Variants in KDM6A observed in about 807,000 individuals in gnomAD.
KDM6A encodes the protein lysine-specific demethylase 6A.
In KDM6A, 11 loss-of-function variants were observed where a neutral mutation model predicts 117.6. The observed-to-expected ratio is 0.09, with a 90% CI of 0.06 to 0.15. The LOEUF (loss-of-function observed/expected upper bound fraction) is 0.15. Among genes scored for constraint, KDM6A ranks in the 10% least tolerant of loss-of-function variants. The pLI is 1.00. For synonymous variants in KDM6A, 384 were observed against 396.1 expected, an observed-to-expected ratio of 0.97 and a Z score of 0.36; for missense variants, 799 against 1,077.3, an observed-to-expected ratio of 0.74 and a Z score of 3.62.
intron 2 of KDM6A, among the ~76,000 whole-genome samples, chrX:44,945,153 C>T (rs1046968774): frequency 9.0e-6 from 1 of 111,292 alleles, no homozygotes. Flanking sequence ...TTGACAGAGT[C>T]GCCTTCCCCT....
intron 15 of KDM6A, 64 bp downstream of exon 15, chrX:45,061,483 ATT>A (rs1161774144): frequency 0.035 from 7,702 of 219,466 alleles, no homozygotes; most frequent in East Asian, 0.048. Context: ...ACAAGTATTA[ATT>A]TTTTTTTTTT....
chrX:44,949,266 G>A (rs923692992), intron 2 of KDM6A, among the ~76,000 whole-genome samples: 51 of 110,743 alleles, frequency 4.6e-4, no homozygotes, highest in African/African-American at 1.6e-3. Flanking sequence ...GTGTTGGTGC[G>A]TTCCTGTAGT....
chrX:45,049,508 T>C (rs913792920), intron 8 of KDM6A, among the ~76,000 whole-genome samples: 1 of 112,471 alleles, frequency 8.9e-6, no homozygotes, highest in Admixed American at 9.4e-5. Context: ...TGGTATGAGG[T>C]AGAAATCTAA....
At chrX:45,087,051 C>G (rs1421666510) in intron 25 of KDM6A, among the ~76,000 whole-genome samples, 1 of 112,914 alleles carries the variant, frequency 8.9e-6, no homozygotes, top group African/African-American at 3.2e-5. Context: ...AGTGCAGTGG[C>G]ACAATCTCAG....
rs1265722191 is a variant in KDM6A at position 45,111,936 on chromosome X, T to C, written c.*525T>C. ...TTTTGAGACCATGATGGTTACACTTTTGGTTCCTAAATAAAATTTAAAAAA... is the reference window on the plus strand; with the variant it reads ...TTTTGAGACCATGATGGTTACACTTCTGGTTCCTAAATAAAATTTAAAAAA... On this transcript the variant is annotated 3_prime_UTR_variant, in exon 30 of 30. Transcript: ENST00000611820. 5.9e-6 allele frequency: 1 copy of C among 170,622 alleles called. No individual in the cohort carries two copies. The highest frequency in any genetic ancestry group is 1.1e-5 in the Non-Finnish European group (1 of 89,368). 14.1% of individuals were successfully genotyped at this position (170,622 alleles called of 1,213,427 possible).
At chrX:45,107,037 G>A (rs767545296) in intron 27 of KDM6A, 4 of 185,491 alleles carry the variant, frequency 2.2e-5, no homozygotes, top group Non-Finnish European at 3.0e-5. Context: ...TTCATATCTG[G>A]AATTCATACC....
At chrX:44,961,513 GAAGAA>G (rs1484951868) in intron 3 of KDM6A, 121 bp downstream of exon 3, 1 of 482,067 alleles carries the variant, frequency 2.1e-6, no homozygotes, top group East Asian at 3.9e-5. Context: ...AAACAATGAG[GAAGAA>G]AAGTAGAGTA....
intron 9 of KDM6A, 23 bp from the exon 10 acceptor site, chrX:45,053,805 AT>A: frequency 4.3e-6 from 5 of 1,149,585 alleles, no homozygotes; most frequent in Non-Finnish European, 6.0e-6. Flanking sequence ...ATTTATGTAA[AT>A]TTTTTTAAAT....
chrX:45,082,646 T>A lies in KDM6A; in HGVS notation c.3365+6T>A, dbSNP rs2148142105. The A allele has an allele frequency of 9.4e-6, 11 of 1,171,110 alleles. No individual in the cohort carries two copies. The highest frequency in any genetic ancestry group is 1.0e-5 in the Non-Finnish European group (9 of 859,080). ...GAATCTACATCGTCAGATAAGTAAGTCATTTTTAATGTCCACTTAGTATTT... is the reference window on the plus strand; with the variant it reads ...GAATCTACATCGTCAGATAAGTAAGACATTTTTAATGTCCACTTAGTATTT... On this transcript the variant is annotated splice_donor_region_variant and intron_variant, in intron 22 of 29. Coordinates refer to ENST00000611820, the MANE Select transcript of KDM6A (RefSeq NM_001291415.2).
At chrX:45,044,145 C>T (rs2043422771) in intron 8 of KDM6A, among the ~76,000 whole-genome samples, 1 of 111,959 alleles carries the variant, frequency 8.9e-6, no homozygotes, top group Non-Finnish European at 1.9e-5. Flanking sequence ...GTTTGCACAA[C>T]GATGAAATTG....
intron 29 of KDM6A, among the ~76,000 whole-genome samples, chrX:45,110,595 C>T (rs1198165448): frequency 9.0e-6 from 1 of 111,484 alleles, no homozygotes; most frequent in Non-Finnish European, 1.9e-5. Context: ...TATTAGAGCC[C>T]ACAAAATGAA....
chrX:44,904,723 TCTGCTGGCTTTTCAGG>T lies in KDM6A; in HGVS notation c.225+30744_225+30759del, dbSNP rs201308665. On this transcript the variant is annotated intron_variant, in intron 2 of 29. Coordinates refer to ENST00000611820, the MANE Select transcript of KDM6A (RefSeq NM_001291415.2). Reference sequence around the variant, plus strand: ...GGAGCTTCAGCCTCATTGTACTCCCTCTGCTGGCTTTTCAGGCTGCTGGATTTTACCAGAAATCTAT... The same window carrying T: ...GGAGCTTCAGCCTCATTGTACTCCCTCTGCTGGATTTTACCAGAAATCTAT... Among the ~76,000 whole-genome samples, 5 of 112,106 alleles carry T rather than the reference TCTGCTGGCTTTTCAGG, an allele frequency of 4.5e-5. No individual in the cohort carries two copies. In the East Asian group the frequency reaches 1.4e-3, roughly 31 times the overall value.
chrX:44,943,121 CTT>C (rs1297133401), intron 2 of KDM6A, among the ~76,000 whole-genome samples: 1 of 111,084 alleles, frequency 9.0e-6, no homozygotes, highest in Non-Finnish European at 1.9e-5. Context: ...AAAATAAACT[CTT>C]TTTGATGTAT....
intron 19 of KDM6A, 114 bp from the exon 20 acceptor site, chrX:45,078,286 C>A: frequency 1.5e-6 from 1 of 684,081 alleles, no homozygotes. Context: ...AGAAATATCA[C>A]CCCATAAAAT....
At chrX:44,959,288 T>G (rs2038540961) in intron 2 of KDM6A, among the ~76,000 whole-genome samples, 1 of 109,914 alleles carries the variant, frequency 9.1e-6, no homozygotes, top group African/African-American at 3.3e-5. Context: ...TTTTACCTGA[T>G]TTTATATTTC....
intron 4 of KDM6A, among the ~76,000 whole-genome samples, chrX:44,990,553 C>CATAAATAAATAA (rs373439965): frequency 0.12 from 11,698 of 93,708 alleles, 705 homozygotes; most frequent in East Asian, 0.28. Flanking sequence ...TGTCTCAAAA[C>CATAAATAAATAA]ATAAATAAAT....
At chrX:45,004,303 C>G (rs1038329935) in intron 4 of KDM6A, among the ~76,000 whole-genome samples, 1 of 111,109 alleles carries the variant, frequency 9.0e-6, no homozygotes, top group Non-Finnish European at 1.9e-5. Context: ...TTTCTAGCTC[C>G]CTGGAAACTG....
At chrX:45,070,769 T>TA (rs1215788029) in intron 18 of KDM6A, among the ~76,000 whole-genome samples, 9 of 109,570 alleles carry the variant, frequency 8.2e-5, no homozygotes, top group Non-Finnish European at 1.7e-4. Flanking sequence ...CCCCATCACT[T>TA]ATCAAGGCTA....
At chrX:45,041,388 G>A (rs1318013000) in intron 8 of KDM6A, among the ~76,000 whole-genome samples, 39 of 91,389 alleles carry the variant, frequency 4.3e-4, no homozygotes, top group Middle Eastern at 7.1e-3. Flanking sequence ...GGGCAGAGGA[G>A]CCCCTCACCT....
Sources: allele counts gnomAD v4.1 joint callset (sites outside exome capture counted in the v4.1 genomes callset), GRCh38; gene constraint gnomAD v4.1.1; transcripts MANE v1.5; gene names NCBI Gene and HGNC (gene_info 2026-07-23, HGNC 2026-07-21).